NR1H4: variants seen among roughly 807,000 people sequenced by gnomAD.
NR1H4 encodes nuclear receptor subfamily 1 group H member 4.
A neutral mutation model predicts 58.5 loss-of-function variants in NR1H4; 23 were observed. That is an observed-to-expected ratio of 0.39 (90% CI 0.28 to 0.56). NR1H4 has a LOEUF of 0.56. Among genes scored for constraint, NR1H4 ranks in the 20% least tolerant of loss-of-function variants. The pLI, the probability that NR1H4 is intolerant of heterozygous loss-of-function variation, is 0.58. For missense variants in NR1H4, 487 were observed against 576.9 expected (o/e 0.84, Z 1.60); for synonymous variants, 214 against 198.0 (o/e 1.08, Z -0.68).
chr12:100,549,536 T>G (rs563183562), intron 9 of NR1H4, among the ~76,000 whole-genome samples: 1 of 152,076 alleles, frequency 6.6e-6, no homozygotes, highest in African/African-American at 2.4e-5. Flanking sequence ...ATGCAATAAC[T>G]GGGTGAGAAA....
At chr12:100,516,618 G>C (rs141897385) in intron 4 of NR1H4, among the ~76,000 whole-genome samples, 1 of 151,928 alleles carries the variant, frequency 6.6e-6, no homozygotes, top group African/African-American at 2.4e-5. Flanking sequence ...CGCCCGCCTC[G>C]GCCTCCCAAA....
intron 4 of NR1H4, among the ~76,000 whole-genome samples, chr12:100,522,869 C>T (rs1954461803): frequency 6.6e-6 from 1 of 152,128 alleles, no homozygotes; most frequent in Non-Finnish European, 1.5e-5. Flanking sequence ...ACCCAAGTTG[C>T]TGCAAAAGAC....
intron 4 of NR1H4, among the ~76,000 whole-genome samples, chr12:100,529,590 G>A (rs1954643036): frequency 6.6e-6 from 1 of 152,078 alleles, no homozygotes; most frequent in South Asian, 2.1e-4. Context: ...CCAAGATGGA[G>A]TATCTACCCT....
chr12:100,539,245 T>A (rs568915852), intron 8 of NR1H4, among the ~76,000 whole-genome samples: 2 of 152,174 alleles, frequency 1.3e-5, no homozygotes, highest in South Asian at 4.1e-4. Flanking sequence ...CAAAAACCCT[T>A]GAGAAGGAAA....
intron 1 of NR1H4, among the ~76,000 whole-genome samples, chr12:100,477,746 C>T (rs544717022): frequency 5.7e-4 from 86 of 152,020 alleles, no homozygotes; most frequent in Admixed American, 8.5e-4. Context: ...CCAGTGTAGA[C>T]GACAAGTTGA....
chr12:100,557,775 T>C (rs1027953136), intron 9 of NR1H4, among the ~76,000 whole-genome samples: 1 of 152,232 alleles, frequency 6.6e-6, no homozygotes, highest in Non-Finnish European at 1.5e-5. Context: ...CCTTAGATGA[T>C]AATTGTACTC....
Position 100,493,253 on chromosome 12 carries a change from A to G in NR1H4, c.-54-17A>G. The G allele has an allele frequency of 2.6e-6, 2 of 782,884 alleles. No homozygotes were observed. The highest frequency in any genetic ancestry group is 2.9e-5 in the South Asian group (2 of 69,128). The allele number at this position is 782,884 out of a possible 1,614,324, so 48.5% of individuals were successfully genotyped here. ...TCCCGCATTCCCACAGTCACAAACT[A>G]TTTATTTTCCTTTCAGGAGTTTTTT... On this transcript the variant is annotated splice_polypyrimidine_tract_variant and intron_variant, in intron 2 of 10. Coordinates refer to ENST00000392986, the MANE Select transcript of NR1H4 (RefSeq NM_001206979.2).
chr12:100,555,898 C>A (rs983549035), intron 9 of NR1H4, among the ~76,000 whole-genome samples: 2 of 152,144 alleles, frequency 1.3e-5, no homozygotes, highest in Non-Finnish European at 2.9e-5. Flanking sequence ...TAAGTTGTAT[C>A]TAGTTGGGTC....
chr12:100,553,200 G>C (rs528175190), intron 9 of NR1H4, among the ~76,000 whole-genome samples: 4 of 152,104 alleles, frequency 2.6e-5, no homozygotes, highest in Admixed American at 2.0e-4. Context: ...GGGTTTCACC[G>C]TGTTAGCCAG....
intron 3 of NR1H4, among the ~76,000 whole-genome samples, chr12:100,501,139 A>G (rs1012680954): frequency 6.6e-5 from 10 of 151,670 alleles, no homozygotes; most frequent in Non-Finnish European, 1.5e-5. Flanking sequence ...TTTCTTATCT[A>G]GTATAGATGT....
chr12:100,498,624 C>T (rs967614876), intron 3 of NR1H4, among the ~76,000 whole-genome samples: 8 of 151,522 alleles, frequency 5.3e-5, no homozygotes, highest in East Asian at 1.9e-4. Context: ...AAAAAAAAAC[C>T]AAACAAACAA....
At chr12:100,535,486 A>G (rs1274717537) in intron 6 of NR1H4, among the ~76,000 whole-genome samples, 1 of 152,244 alleles carries the variant, frequency 6.6e-6, no homozygotes, top group Non-Finnish European at 1.5e-5. Context: ...TTTCTCAAGA[A>G]ATCCATTGAG....
chr12:100,485,637 A>G (rs1953475238), intron 1 of NR1H4, among the ~76,000 whole-genome samples: 1 of 151,850 alleles, frequency 6.6e-6, no homozygotes, highest in Non-Finnish European at 1.5e-5. Context: ...GGTTCAAGTG[A>G]TTCTCCTGCC....
intron 9 of NR1H4, among the ~76,000 whole-genome samples, chr12:100,556,983 T>A (rs1955343609): frequency 6.6e-6 from 1 of 152,202 alleles, no homozygotes; most frequent in Non-Finnish European, 1.5e-5. Flanking sequence ...TCCATGCATG[T>A]TAGAAGTAAT....
At chr12:100,541,897 G>A (rs1000477554) in intron 9 of NR1H4, among the ~76,000 whole-genome samples, 12 of 151,874 alleles carry the variant, frequency 7.9e-5, no homozygotes, top group South Asian at 6.3e-4. Context: ...ACACCCAGCC[G>A]GTTTCAGACA....
intron 3 of NR1H4, among the ~76,000 whole-genome samples, chr12:100,498,177 T>C (rs558611209): frequency 1.3e-5 from 2 of 152,238 alleles, no homozygotes; most frequent in Non-Finnish European, 2.9e-5. Flanking sequence ...CTCTGTAAGC[T>C]GCAAGGCATC....
intron 3 of NR1H4, among the ~76,000 whole-genome samples, chr12:100,504,608 C>T (rs1213545160): frequency 1.3e-5 from 2 of 152,200 alleles, no homozygotes; most frequent in African/African-American, 2.4e-5. Flanking sequence ...TATGTGGTGT[C>T]AGGCACTATG....
intron 1 of NR1H4, among the ~76,000 whole-genome samples, chr12:100,486,021 C>A (rs1953484336): frequency 6.6e-6 from 1 of 152,180 alleles, no homozygotes; most frequent in South Asian, 2.1e-4. Flanking sequence ...TCACTGTATA[C>A]ATATATTTGA....
rs896458360 is a variant in NR1H4 at position 100,510,927 on chromosome 12, C to A, written c.229C>A (p.Pro77Thr). The change falls in exon 4 of 11, where the codon CCT (proline) becomes ACT (threonine). Residue 77 changes from proline to threonine, a missense_variant. By Grantham distance (38) the Pro-to-Thr change is conservative (BLOSUM62 -1). Coordinates refer to ENST00000392986, the MANE Select transcript of NR1H4 (RefSeq NM_001206979.2). ...YSNLGFYPQQ[P>T]EEWYSPGIYE... ...CAACCTGGGTTTCTACCCCCAGCAG[C>A]CTGAAGAGTGGTACTCTCCTGGAAT... is the stretch of plus-strand genomic sequence containing the variant. 1 of 1,614,208 alleles carries A rather than the reference C, an allele frequency of 6.2e-7. No individual in the cohort carries two copies. The highest frequency in any genetic ancestry group is 8.5e-7 in the Non-Finnish European group (1 of 1,180,042).
Sources: gnomAD v4.1 joint callset for allele counts (sites outside exome capture counted in the v4.1 genomes callset) on GRCh38, gnomAD v4.1.1 for gene constraint, MANE v1.5 for transcripts, NCBI Gene and HGNC (gene_info 2026-07-23, HGNC 2026-07-21) for gene names.